VTI1A: variants seen among roughly 807,000 people sequenced by gnomAD.
VTI1A encodes vesicle transport through interaction with t-SNAREs homolog 1A.
VTI1A carries 22 observed loss-of-function variants against 34.9 expected under a neutral mutation model. The observed-to-expected ratio is 0.63, with a 90% CI of 0.45 to 0.90. The LOEUF (loss-of-function observed/expected upper bound fraction) is 0.90, where lower values mean the gene tolerates loss of function less well. VTI1A is among the 40% of genes least tolerant of loss of function. The pLI is 0.00. For synonymous variants in VTI1A, 87 were observed against 97.3 expected (o/e 0.89, Z 0.62); for missense variants, 268 against 275.6 (o/e 0.97, Z 0.20).
At chr10:112,623,232 C>T (rs1239572233) in intron 5 of VTI1A, among the ~76,000 whole-genome samples, 1 of 152,096 alleles carries the variant, frequency 6.6e-6, no homozygotes, top group Non-Finnish European at 1.5e-5. Flanking sequence ...CTTTATCCTT[C>T]TTAAGTAAAC....
In VTI1A at chr10:112,618,489, TTATA is replaced by T. The variant is rs1209916722; in HGVS notation, c.428-49696_428-49693del. ...ATAATGAAATATACAAATGATTATA[TTATA>T]TATATATATATATATATATATATAT... On this transcript the variant is annotated intron_variant, in intron 5 of 7. Coordinates refer to ENST00000393077, the MANE Select transcript of VTI1A (RefSeq NM_145206.4). Among the ~76,000 whole-genome samples, 232 of 74,338 alleles carry T rather than the reference TTATA, an allele frequency of 3.1e-3. 3 individuals are homozygous for T. The highest frequency in any genetic ancestry group is 0.011 in the African/African-American group (161 of 15,028). The allele number at this position is 74,338 out of a possible 152,430, so 48.8% of individuals were successfully genotyped here. A position where few individuals can be genotyped will look rare whatever the true frequency, so the allele number is the denominator to read the frequency against.
intron 5 of VTI1A, among the ~76,000 whole-genome samples, chr10:112,539,970 G>A (rs1033089638): frequency 6.6e-6 from 1 of 152,134 alleles, no homozygotes; most frequent in African/African-American, 2.4e-5. Flanking sequence ...ACATAGCACT[G>A]TGTCTATGGA....
chr10:112,531,103 ACGTGCG>A (rs1336352047), intron 4 of VTI1A, among the ~76,000 whole-genome samples: 30 of 137,370 alleles, frequency 2.2e-4, no homozygotes, highest in African/African-American at 5.9e-4. Flanking sequence ...ACACACACAC[ACGTGCG>A]CACGTGCGCG....
At chr10:112,711,626 G>A (rs891970577) in intron 7 of VTI1A, among the ~76,000 whole-genome samples, 2 of 152,194 alleles carry the variant, frequency 1.3e-5, no homozygotes, top group East Asian at 1.9e-4. Context: ...GTTCAAGACC[G>A]GTGACTTCCC....
At chr10:112,710,803 C>CTGTG (rs150496095) in intron 7 of VTI1A, among the ~76,000 whole-genome samples, 1 of 150,832 alleles carries the variant, frequency 6.6e-6, no homozygotes, top group Non-Finnish European at 1.5e-5. Context: ...CCATGTGTAT[C>CTGTG]TGTGTGTGTG....
intron 5 of VTI1A, among the ~76,000 whole-genome samples, chr10:112,628,708 GT>G (rs1210276380): frequency 2.0e-5 from 3 of 151,792 alleles, no homozygotes; most frequent in African/African-American, 7.3e-5. Flanking sequence ...CTGCTTTACG[GT>G]TTTCTTTATC....
intron 5 of VTI1A, among the ~76,000 whole-genome samples, chr10:112,552,015 GAT>G (rs1851379652): frequency 6.6e-6 from 1 of 152,098 alleles, no homozygotes; most frequent in Admixed American, 6.5e-5. Flanking sequence ...TTAATAGACA[GAT>G]ATGTAATTAT....
At chr10:112,807,796 T>C (rs913505908) in intron 7 of VTI1A, among the ~76,000 whole-genome samples, 54 of 152,124 alleles carry the variant, frequency 3.5e-4, no homozygotes, top group African/African-American at 1.1e-3. Context: ...GAGATTGCAG[T>C]GAGCCAAGAT....
chr10:112,567,058 A>G (rs1202635156), intron 5 of VTI1A, among the ~76,000 whole-genome samples: 2 of 152,104 alleles, frequency 1.3e-5, no homozygotes, highest in Non-Finnish European at 2.9e-5. Flanking sequence ...TAGACAGAGT[A>G]TCATTTTGTT....
At chr10:112,624,937 A>G (rs1845866331) in intron 5 of VTI1A, among the ~76,000 whole-genome samples, 1 of 152,072 alleles carries the variant, frequency 6.6e-6, no homozygotes, top group Non-Finnish European at 1.5e-5. Context: ...TCTCTACAAA[A>G]TATTTAAAAA....
At chr10:112,789,687 C>A (rs1303815521) in intron 7 of VTI1A, among the ~76,000 whole-genome samples, 1 of 152,110 alleles carries the variant, frequency 6.6e-6, no homozygotes, top group Non-Finnish European at 1.5e-5. Flanking sequence ...AATTCCTCTT[C>A]ATTTCATTTA....
At chr10:112,843,756 A>G in the VTI1A span, among the ~76,000 whole-genome samples, 1 of 152,034 alleles carries the variant, frequency 6.6e-6, no homozygotes, top group Non-Finnish European at 1.5e-5. Context: ...CACGTTCCTC[A>G]AGGTCATCAT....
At chr10:112,544,597 C>T (rs1434113520) in intron 5 of VTI1A, among the ~76,000 whole-genome samples, 2 of 151,310 alleles carry the variant, frequency 1.3e-5, no homozygotes, top group Admixed American at 1.3e-4. Context: ...GCCTGCACAA[C>T]ATAGCAAGAC....
chr10:112,623,186 A>G (rs1446614057), intron 5 of VTI1A, among the ~76,000 whole-genome samples: 1 of 152,184 alleles, frequency 6.6e-6, no homozygotes, highest in African/African-American at 2.4e-5. Flanking sequence ...TTTGTTTTCC[A>G]ATCTCTATAA....
At chr10:112,640,596 T>C (rs567362610) in intron 5 of VTI1A, among the ~76,000 whole-genome samples, 1 of 152,274 alleles carries the variant, frequency 6.6e-6, no homozygotes, top group African/African-American at 2.4e-5. Context: ...TAGATAAATA[T>C]TGATGTGGAT....
intron 5 of VTI1A, among the ~76,000 whole-genome samples, chr10:112,589,249 C>G (rs562251853): frequency 6.6e-6 from 1 of 151,986 alleles, no homozygotes; most frequent in Non-Finnish European, 1.5e-5. Context: ...GGGAGGGACC[C>G]GAATGGGAGA....
intron 7 of VTI1A, among the ~76,000 whole-genome samples, chr10:112,806,219 G>T (rs1853070495): frequency 6.6e-6 from 1 of 152,166 alleles, no homozygotes; most frequent in Admixed American, 6.5e-5. Flanking sequence ...GCCAGTGGGG[G>T]CTACTAATGG....
chr10:112,505,552 T>G (rs550734545), intron 3 of VTI1A, among the ~76,000 whole-genome samples: 2 of 152,334 alleles, frequency 1.3e-5, no homozygotes, highest in South Asian at 4.1e-4. Flanking sequence ...CACTTTATTG[T>G]CTTTTTTTAA....
chr10:112,532,497 G>C (rs967533642), intron 4 of VTI1A, among the ~76,000 whole-genome samples: 1 of 152,058 alleles, frequency 6.6e-6, no homozygotes, highest in Admixed American at 6.6e-5. Flanking sequence ...CACTTATACA[G>C]TGATATTTGT....
Sources: allele counts gnomAD v4.1 joint callset (sites outside exome capture counted in the v4.1 genomes callset), GRCh38; gene constraint gnomAD v4.1.1; transcripts MANE v1.5; gene names NCBI Gene and HGNC (gene_info 2026-07-23, HGNC 2026-07-21).